ZNF782: variants seen among roughly 807,000 people sequenced by gnomAD.
ZNF782 encodes zinc finger protein 782.
In ZNF782, 12 loss-of-function variants were observed where a neutral mutation model predicts 13.0. The observed-to-expected ratio is 0.92, with a 90% CI of 0.59 to 1.50. ZNF782 has a LOEUF of 1.50. ZNF782 is among the 40% of genes most tolerant of loss of function. The pLI is 0.00. For missense variants in ZNF782, 770 were observed against 822.9 expected (o/e 0.94, Z 0.79); for synonymous variants, 284 against 283.0 (o/e 1.00, Z -0.04).
At chr9:96,867,587 G>A (rs1851773723) in intron 1 of ZNF782, among the ~76,000 whole-genome samples, 1 of 152,220 alleles carries the variant, frequency 6.6e-6, no homozygotes, top group Non-Finnish European at 1.5e-5. Context: ...TAGCCAAGAT[G>A]TCTCTCTTTG....
chr9:96,925,051 G>A, the ZNF782 span, among the ~76,000 whole-genome samples: 5,497 of 152,112 alleles, frequency 0.036, 364 homozygotes, highest in East Asian at 0.33. Flanking sequence ...GTAACACCAC[G>A]GAGGACGCCA....
At chr9:96,837,153 C>G (rs10979266) in intron 4 of ZNF782, among the ~76,000 whole-genome samples, 1 of 152,200 alleles carries the variant, frequency 6.6e-6, no homozygotes, top group Non-Finnish European at 1.5e-5. Context: ...TCATCTTGTA[C>G]ATTTCTCGCC....
At chr9:96,849,315 T>C (rs1232979351) in intron 3 of ZNF782, among the ~76,000 whole-genome samples, 2 of 152,232 alleles carry the variant, frequency 1.3e-5, no homozygotes, top group Non-Finnish European at 2.9e-5. Flanking sequence ...GCTGCTGATC[T>C]GACAGGAGGT....
chr9:96,896,173 G>A, the ZNF782 span: 1 of 152,134 alleles, frequency 6.6e-6, no homozygotes, highest in Non-Finnish European at 1.5e-5. Context: ...CCTGGTACCT[G>A]GTATGCACTT....
chr9:96,896,611 A>T, the ZNF782 span, among the ~76,000 whole-genome samples: 1 of 152,216 alleles, frequency 6.6e-6, no homozygotes, highest in Non-Finnish European at 1.5e-5. Flanking sequence ...GCATAACACC[A>T]TTAGGCCCTC....
the ZNF782 span, among the ~76,000 whole-genome samples, chr9:96,922,365 G>A: frequency 6.6e-6 from 1 of 152,176 alleles, no homozygotes; most frequent in Non-Finnish European, 1.5e-5. Context: ...ACGATGTTTA[G>A]CCAGCATAAT....
rs916418883 is a variant in ZNF782 at position 96,862,224 on chromosome 9, T to G, written c.-456-621A>C. Reference sequence around the variant, plus strand: ...AATTGTTGGCAGAGGCTAGTAAAGGTAGTATGGGGGATGGGGGGTAAAGAG... The same window carrying G: ...AATTGTTGGCAGAGGCTAGTAAAGGGAGTATGGGGGATGGGGGGTAAAGAG... On this transcript the variant is annotated intron_variant, in intron 1 of 5. Transcript: ENST00000498811. Among the ~76,000 whole-genome samples the G allele has an allele frequency of 7.8e-4, 118 of 152,208 alleles. 1 individual carries two copies. The highest frequency in any genetic ancestry group is 1.5e-3 in the Non-Finnish European group (101 of 67,992).
the ZNF782 span, among the ~76,000 whole-genome samples, chr9:96,886,500 T>C: frequency 6.6e-6 from 1 of 152,136 alleles, no homozygotes; most frequent in East Asian, 1.9e-4. Context: ...GGGGTGTAAA[T>C]GTAGAAAAGG....
the ZNF782 span, among the ~76,000 whole-genome samples, chr9:96,918,244 T>TA: frequency 2.0e-5 from 3 of 149,830 alleles, no homozygotes; most frequent in Non-Finnish European, 4.4e-5. Flanking sequence ...GTACTAAAGA[T>TA]ACAAAAATTA....
the ZNF782 span, among the ~76,000 whole-genome samples, chr9:96,908,236 C>G: frequency 6.6e-6 from 1 of 151,782 alleles, no homozygotes; most frequent in East Asian, 1.9e-4. Flanking sequence ...GTGGTGCAAT[C>G]ATGGCTCGCT....
At chr9:96,883,667 C>T in the ZNF782 span, among the ~76,000 whole-genome samples, 1 of 152,208 alleles carries the variant, frequency 6.6e-6, no homozygotes, top group Non-Finnish European at 1.5e-5. Context: ...CAGAAACCTT[C>T]ACATCTCTTT....
chr9:96,897,641 C>T, the ZNF782 span, among the ~76,000 whole-genome samples: 4 of 150,828 alleles, frequency 2.7e-5, no homozygotes, highest in African/African-American at 7.4e-5. Flanking sequence ...TGCTGGAAGT[C>T]GAGTCTGTTA....
rs1850303501 is a variant in ZNF782, at chr9:96,819,076, C to G, written c.947G>C (p.Gly316Ala). The stretch of plus-strand genomic sequence containing the variant: ...GGTTGAATTACGGTTGAAACTTTTT[C>G]CATATTCAAAGGGTTTCACCCCTAT... ...VHIGVKPFEY[G>A]KSFNRNSTLP... The change falls in exon 6 of 6, where the codon GGA (glycine) becomes GCA (alanine). Residue 316 changes from glycine to alanine, a missense_variant. Physicochemically the swap from Gly to Ala is moderately conservative, Grantham distance 60. Transcript: ENST00000481138. 6.2e-7 allele frequency: 1 copy of G among 1,613,948 alleles called. No individual in the cohort carries two copies. Among genetic ancestry groups the G allele is most frequent in the Non-Finnish European group, 8.5e-7 (1 of 1,180,028 alleles).
intron 4 of ZNF782, among the ~76,000 whole-genome samples, chr9:96,843,307 G>A (rs1851242934): frequency 6.6e-6 from 1 of 152,112 alleles, no homozygotes; most frequent in South Asian, 2.1e-4. Flanking sequence ...TAGGTGAATG[G>A]CTAAACAATG....
chr9:96,832,317 A>G (rs1850832071), intron 4 of ZNF782, among the ~76,000 whole-genome samples: 1 of 152,208 alleles, frequency 6.6e-6, no homozygotes, highest in South Asian at 2.1e-4. Flanking sequence ...TTTCATCTAT[A>G]TACATTGAGA....
At chr9:96,879,206 A>C (rs556422417), upstream of ZNF782, among the ~76,000 whole-genome samples, 1 of 152,234 alleles carries the variant, frequency 6.6e-6, no homozygotes, top group Non-Finnish European at 1.5e-5. Flanking sequence ...TGGGATACTT[A>C]GGCCGGGCGC....
chr9:96,875,909 G>A (rs547445871), upstream of ZNF782, among the ~76,000 whole-genome samples: 1 of 152,352 alleles, frequency 6.6e-6, no homozygotes, highest in Admixed American at 6.5e-5. Flanking sequence ...ACGTCATCCA[G>A]AAGACCCTTT....
the ZNF782 span, among the ~76,000 whole-genome samples, chr9:96,882,833 C>T: frequency 4.6e-5 from 7 of 152,180 alleles, no homozygotes; most frequent in Admixed American, 1.3e-4. Flanking sequence ...AAAAGACTAG[C>T]TGAAGTTTTT....
chr9:96,930,248 G>A, the ZNF782 span, among the ~76,000 whole-genome samples: 22 of 152,212 alleles, frequency 1.4e-4, no homozygotes, highest in African/African-American at 5.1e-4. Flanking sequence ...TCCCTGGCCG[G>A]GCGCGGTGGC....
Sources: gnomAD v4.1 joint callset for allele counts (sites outside exome capture counted in the v4.1 genomes callset) on GRCh38, gnomAD v4.1.1 for gene constraint, MANE v1.5 for transcripts, NCBI Gene and HGNC (gene_info 2026-07-23, HGNC 2026-07-21) for gene names.